FOXP1: variants seen among roughly 807,000 people sequenced by gnomAD.
FOXP1 encodes the protein forkhead box protein P1.
In FOXP1, 15 loss-of-function variants were observed where a neutral mutation model predicts 98.2. That is an observed-to-expected ratio of 0.15 (90% CI 0.10 to 0.24). The LOEUF (loss-of-function observed/expected upper bound fraction) is 0.24. Among genes scored for constraint, FOXP1 ranks in the 10% least tolerant of loss-of-function variants. The probability of loss-of-function intolerance (pLI) is 1.00; values close to 1 mark genes in which losing one functional copy is unlikely to be tolerated. For synonymous variants in FOXP1, 371 were observed against 314.5 expected (o/e 1.18, Z -1.90); for missense variants, 633 against 848.5 (o/e 0.75, Z 3.15).
chr3:71,348,522 C>CGTGTGT (rs772944612), intron 4 of FOXP1, among the ~76,000 whole-genome samples: 787 of 69,988 alleles, frequency 0.011, 10 homozygotes, highest in Middle Eastern at 0.071. Context: ...TGTGTGTGTG[C>CGTGTGT]GTGTGTGTGT....
At position 70,959,191 on chromosome 3, in the gene FOXP1, T is replaced by A; in HGVS notation, c.*56A>T. The A allele has an allele frequency of 5.1e-6, 3 of 592,906 alleles. No individual in the cohort carries two copies. Among genetic ancestry groups the A allele is most frequent in the Non-Finnish European group, 7.3e-6 (3 of 408,270 alleles). The allele number at this position is 592,906 out of a possible 1,614,324, so 36.7% of individuals were successfully genotyped here. The stretch of plus-strand genomic sequence containing the variant: ...AATTTCACTGCTAACTTTTGACGTG[T>A]TTTTTTTTTTTTCCTTTTTCCAATC... On this transcript the variant is annotated 3_prime_UTR_variant, in exon 21 of 21. Coordinates refer to ENST00000649528, the MANE Select transcript of FOXP1 (RefSeq NM_001349338.3).
At position 71,581,650 on chromosome 3, in the gene FOXP1, G is replaced by T. The variant is rs2048179037; in HGVS notation, c.-399C>A. The T allele has an allele frequency of 3.0e-6, 3 of 985,812 alleles. No individual in the cohort carries two copies. Among genetic ancestry groups the T allele is most frequent in the South Asian group, 4.6e-5 (1 of 21,568 alleles). 61.1% of individuals were successfully genotyped at this position (985,812 alleles called of 1,614,324 possible). On this transcript the variant is annotated 5_prime_UTR_variant, in exon 2 of 21. Transcript: ENST00000649528. The stretch of plus-strand genomic sequence containing the variant: ...GCGCCGCTGCCGCTGCCCCCGGCCC[G>T]CTCGCTCGCTCGCCGCGCGCTCTCT...
chr3:71,245,877 A>G (rs76224766), intron 5 of FOXP1, among the ~76,000 whole-genome samples: 1 of 151,520 alleles, frequency 6.6e-6, no homozygotes, highest in East Asian at 2.0e-4. Flanking sequence ...CTAATAAAAT[A>G]AAAAATATTA....
rs115396708 is a variant in FOXP1 at position 71,325,929 on chromosome 3, A to C, written c.-72-26049T>G. On this transcript the variant is annotated intron_variant, in intron 4 of 20. Coordinates refer to ENST00000649528, the MANE Select transcript of FOXP1 (RefSeq NM_001349338.3). ...TGATGAATGTATTCTTTGTATACCA[A>C]ATATACAGTGGACTTTAACACTTAG... Among the ~76,000 whole-genome samples the C allele has an allele frequency of 9.6e-3, 1,462 of 152,286 alleles. 26 individuals are homozygous for C. The highest frequency in any genetic ancestry group is 0.034 in the African/African-American group (1,394 of 41,558).
rs577386144 is a variant in FOXP1 at position 71,308,027 on chromosome 3, G to C, written c.-72-8147C>G. 7.2e-4 allele frequency among the ~76,000 whole-genome samples: 110 copies of C among 152,168 alleles called. 1 individual carries two copies. The highest frequency in any genetic ancestry group is 2.5e-3 in the African/African-American group (105 of 41,504). ...TCGGGAGCGAATGGCACAGACACAG[G>C]GATTGTGACAAAAATCCGTATGCAA... On this transcript the variant is annotated intron_variant, in intron 4 of 20. Transcript: ENST00000649528.
At chr3:71,185,487 A>G (rs1366105732) in intron 6 of FOXP1, among the ~76,000 whole-genome samples, 1 of 152,190 alleles carries the variant, frequency 6.6e-6, no homozygotes, top group Non-Finnish European at 1.5e-5. Flanking sequence ...CTAAAATTCA[A>G]TATAAACGTT....
At chr3:71,346,156 T>A (rs780489429) in intron 4 of FOXP1, among the ~76,000 whole-genome samples, 1 of 152,062 alleles carries the variant, frequency 6.6e-6, no homozygotes, top group African/African-American at 2.4e-5. Context: ...AGCTTGCATA[T>A]AGGATATTGG....
At chr3:71,388,896 T>C (rs539571965) in intron 3 of FOXP1, among the ~76,000 whole-genome samples, 3 of 150,908 alleles carry the variant, frequency 2.0e-5, no homozygotes. Context: ...ATGGTCTTTA[T>C]AGTAACACAC....
intron 4 of FOXP1, among the ~76,000 whole-genome samples, chr3:71,349,576 G>GT (rs1416717878): frequency 1.3e-5 from 2 of 152,062 alleles, no homozygotes; most frequent in African/African-American, 4.8e-5. Context: ...TGAAATTAAA[G>GT]TTTTTTGCTA....
intron 7 of FOXP1, among the ~76,000 whole-genome samples, chr3:71,063,059 T>G (rs1411762899): frequency 6.6e-6 from 1 of 152,244 alleles, no homozygotes; most frequent in Non-Finnish European, 1.5e-5. Flanking sequence ...AATGCAGTAC[T>G]AATGAACAAT....
At chr3:70,965,858 T>G (rs777997957) in intron 20 of FOXP1, 32 bp downstream of exon 20, 3 of 1,610,250 alleles carry the variant, frequency 1.9e-6, no homozygotes, top group East Asian at 4.5e-5. Context: ...TAGGGTCAGA[T>G]AGCAAAGACC....
At chr3:71,343,455 T>TAC (rs948911328) in intron 4 of FOXP1, among the ~76,000 whole-genome samples, 4 of 152,150 alleles carry the variant, frequency 2.6e-5, no homozygotes, top group African/African-American at 9.7e-5. Flanking sequence ...AGAATAATCT[T>TAC]ACACTTTAAA....
intron 4 of FOXP1, among the ~76,000 whole-genome samples, chr3:71,328,296 T>A (rs1224856385): frequency 6.6e-6 from 1 of 151,698 alleles, no homozygotes; most frequent in Non-Finnish European, 1.5e-5. Flanking sequence ...ATTTAAAAAT[T>A]AAAAAAAAGA....
At chr3:71,173,679 G>A (rs1466931393) in intron 6 of FOXP1, among the ~76,000 whole-genome samples, 3 of 152,066 alleles carry the variant, frequency 2.0e-5, no homozygotes, top group South Asian at 4.1e-4. Flanking sequence ...AGGAATTACC[G>A]AGGTTATCTC....
At chr3:71,380,557 G>A (rs984794237) in intron 3 of FOXP1, among the ~76,000 whole-genome samples, 2 of 152,136 alleles carry the variant, frequency 1.3e-5, no homozygotes, top group African/African-American at 4.8e-5. Flanking sequence ...AAAATGCATT[G>A]AGCACGAAAC....
intron 4 of FOXP1, among the ~76,000 whole-genome samples, chr3:71,336,486 C>CT (rs34204267): frequency 0.4 from 61,146 of 151,640 alleles, 13,955 homozygotes; most frequent in East Asian, 0.73. Context: ...TCCATGTGTT[C>CT]GATAAAAACA....
chr3:71,021,934 A>G (rs146805068), intron 11 of FOXP1, among the ~76,000 whole-genome samples: 21 of 152,288 alleles, frequency 1.4e-4, no homozygotes, highest in Non-Finnish European at 2.5e-4. Flanking sequence ...GGTGTGCTTT[A>G]AAGCACAAAC....
At chr3:71,219,341 C>T (rs750176357) in intron 5 of FOXP1, among the ~76,000 whole-genome samples, 123 of 152,310 alleles carry the variant, frequency 8.1e-4, no homozygotes, top group Non-Finnish European at 1.3e-3. Context: ...ACAGAAAAAC[C>T]ACTGGCCACA....
chr3:71,045,773 T>C (rs552717382), intron 10 of FOXP1, among the ~76,000 whole-genome samples: 2 of 152,266 alleles, frequency 1.3e-5, no homozygotes, highest in South Asian at 4.1e-4. Context: ...AAGATTCAAA[T>C]GCAGACATGC....
Sources: allele counts gnomAD v4.1 joint callset (sites outside exome capture counted in the v4.1 genomes callset), GRCh38; gene constraint gnomAD v4.1.1; transcripts MANE v1.5; gene names NCBI Gene and HGNC (gene_info 2026-07-23, HGNC 2026-07-21).